Variants in SH3RF2 observed in about 807,000 individuals in gnomAD.
The protein encoded by SH3RF2 is SH3 domain containing ring finger 2, also known as E3 ubiquitin-protein ligase SH3RF2.
A neutral mutation model predicts 59.0 loss-of-function variants in SH3RF2; 43 were observed. The ratio of observed to expected loss-of-function variants is 0.73; its 90% CI spans 0.57 to 0.94. The LOEUF (loss-of-function observed/expected upper bound fraction) is 0.94, where lower values mean the gene tolerates loss of function less well. SH3RF2 is among the 40% of genes least tolerant of loss of function. The pLI, the probability that SH3RF2 is intolerant of heterozygous loss-of-function variation, is 0.00. For synonymous variants in SH3RF2, 391 were observed against 391.5 expected (o/e 1.00, Z 0.01); for missense variants, 930 against 940.1 (o/e 0.99, Z 0.14).
At chr5:146,036,969 A>C (rs146311591) in intron 5 of SH3RF2, among the ~76,000 whole-genome samples, 1 of 152,312 alleles carries the variant, frequency 6.6e-6, no homozygotes, top group East Asian at 1.9e-4. Flanking sequence ...GGTCTTCCTC[A>C]AAGGCAATCT....
chr5:145,980,947 T>C (rs1759484427), intron 2 of SH3RF2, among the ~76,000 whole-genome samples: 1 of 152,186 alleles, frequency 6.6e-6, no homozygotes, highest in African/African-American at 2.4e-5. Context: ...AGTCCACACA[T>C]CATACTCTTT....
Position 146,023,838 on chromosome 5 carries a change from A to G in SH3RF2, c.1059+9777A>G, listed in dbSNP as rs1429734919. ...GATTTGCCTATTCTGGATGTTTTCT[A>G]TAAGTGGAAGCACACAGTATTCGAA... On this transcript the variant is annotated intron_variant, in intron 5 of 9. Coordinates refer to ENST00000359120, the MANE Select transcript of SH3RF2 (RefSeq NM_152550.4). Among the ~76,000 whole-genome samples the G allele has an allele frequency of 5.3e-5, 8 of 152,284 alleles. No homozygotes were observed. The East Asian group carries it at 1.5e-3, about 29-fold the overall frequency.
intron 2 of SH3RF2, among the ~76,000 whole-genome samples, chr5:145,997,007 G>A (rs781729007): frequency 2.0e-5 from 3 of 152,144 alleles, no homozygotes; most frequent in Non-Finnish European, 2.9e-5. Flanking sequence ...TGTAGGTGTC[G>A]TCTGAAAACC....
At chr5:145,947,602 A>G (rs1241279023) in intron 2 of SH3RF2, among the ~76,000 whole-genome samples, 1 of 152,222 alleles carries the variant, frequency 6.6e-6, no homozygotes, top group Non-Finnish European at 1.5e-5. Flanking sequence ...TCCCTGTGCT[A>G]TAGACCTGGG....
intron 9 of SH3RF2, among the ~76,000 whole-genome samples, chr5:146,069,166 AG>A (rs1450194069): frequency 3.9e-5 from 6 of 152,184 alleles, no homozygotes; most frequent in Non-Finnish European, 7.3e-5. Context: ...TGAAGATTTG[AG>A]CTCCCATCTG....
intron 2 of SH3RF2, among the ~76,000 whole-genome samples, chr5:145,999,206 T>G (rs1760292992): frequency 1.3e-5 from 2 of 152,286 alleles, no homozygotes; most frequent in South Asian, 4.2e-4. Flanking sequence ...TTCTGCAGCT[T>G]CCTCATCTCT....
Position 145,937,963 on chromosome 5 carries a change from GC to G in SH3RF2, c.38del (p.Pro13LeufsTer82). 6.2e-7 allele frequency: 1 copy of G among 1,614,160 alleles called. No individual in the cohort carries two copies. The highest frequency in any genetic ancestry group is 8.5e-7 in the Non-Finnish European group (1 of 1,180,028). On this transcript the variant is annotated frameshift_variant, in exon 2 of 10. Transcript: ENST00000359120. LOFTEE classifies it high-confidence loss of function. ...DDLTLLDLLE[C>X]PVCFEKLDVT... ...TTGACGTTACTTGATCTTCTGGAGT[GC>G]CCTGTGTGCTTTGAGAAGCTCGATG...
exon 10 of SH3RF2, chr5:146,078,633 G>C (rs955246993): frequency 1.3e-5 from 2 of 152,234 alleles, no homozygotes; most frequent in Admixed American, 6.5e-5. Flanking sequence ...AGACAGGAGA[G>C]TAATAGGAGG....
intron 5 of SH3RF2, 48 bp from the exon 6 acceptor site, chr5:146,047,724 G>A (rs570044519): frequency 6.3e-7 from 1 of 1,579,890 alleles, no homozygotes; most frequent in East Asian, 2.2e-5. Flanking sequence ...GTGGGCCTGG[G>A]TTGTGGCATT....
intron 9 of SH3RF2, among the ~76,000 whole-genome samples, chr5:146,071,310 G>C (rs1344076010): frequency 6.6e-6 from 1 of 152,202 alleles, no homozygotes; most frequent in Non-Finnish European, 1.5e-5. Flanking sequence ...TCTCTGTCAA[G>C]GAGAGGGTAG....
chr5:145,964,338 G>C (rs1295241022), intron 2 of SH3RF2, among the ~76,000 whole-genome samples: 1 of 112,750 alleles, frequency 8.9e-6, no homozygotes, highest in Non-Finnish European at 1.7e-5. Flanking sequence ...ACAGAGTCTT[G>C]CTCTGTTGCC....
rs774203837 is a variant in SH3RF2 at position 146,056,281 on chromosome 5, A to AGGATG, written c.1555+69_1555+73dup. The AGGATG allele has an allele frequency of 9.4e-6, 15 of 1,603,742 alleles. No individual in the cohort carries two copies. In the African/African-American group the frequency reaches 2.0e-4, roughly 21 times the overall value. ...GGGGGAATCTGACCCAGGGGTACACAGGATGCTTTTTGCAAAAACAGGATC... is the reference window on the plus strand; with the variant it reads ...GGGGGAATCTGACCCAGGGGTACACAGGATGGGATGCTTTTTGCAAAAACAGGATC... On this transcript the variant is annotated intron_variant, in intron 8 of 9. Transcript: ENST00000359120.
chr5:146,023,663 T>TC (rs1761417882), intron 5 of SH3RF2, among the ~76,000 whole-genome samples: 1 of 152,170 alleles, frequency 6.6e-6, no homozygotes, highest in Non-Finnish European at 1.5e-5. Context: ...TTAATATATT[T>TC]ACACAGTTGA....
intron 2 of SH3RF2, among the ~76,000 whole-genome samples, chr5:145,999,082 G>C (rs895413551): frequency 2.6e-4 from 40 of 151,300 alleles, no homozygotes; most frequent in African/African-American, 9.7e-4. Flanking sequence ...CTTCTTGCTG[G>C]TGGTGGGTCT....
At chr5:146,008,645 T>C (rs1760747861) in intron 4 of SH3RF2, among the ~76,000 whole-genome samples, 1 of 152,210 alleles carries the variant, frequency 6.6e-6, no homozygotes, top group Non-Finnish European at 1.5e-5. Context: ...TTTATTTACA[T>C]ACAGTAAAAT....
At chr5:146,065,838 TTGTAGAGATGAAGTCTCACTG>T (rs1763090244), downstream of SH3RF2, among the ~76,000 whole-genome samples, 1 of 152,266 alleles carries the variant, frequency 6.6e-6, no homozygotes, top group African/African-American at 2.4e-5. Context: ...GTTTTATTTT[TTGTAGAGATGAAGTCTCACTG>T]TGTTGCCCAG....
exon 10 of SH3RF2, chr5:146,081,557 A>C (rs1763425689): frequency 6.6e-6 from 1 of 152,084 alleles, no homozygotes; most frequent in Non-Finnish European, 1.5e-5. Flanking sequence ...CTAGAGGTCC[A>C]CTCGCACCTT....
intron 5 of SH3RF2, among the ~76,000 whole-genome samples, chr5:146,032,103 G>A (rs115371941): frequency 0.01 from 1,543 of 152,230 alleles, 12 homozygotes; most frequent in Non-Finnish European, 0.017. Flanking sequence ...TATTTTATTC[G>A]TCTGTTTTCT....
chr5:146,004,937 A>G (rs1200245823), intron 4 of SH3RF2, among the ~76,000 whole-genome samples: 2 of 152,146 alleles, frequency 1.3e-5, no homozygotes, highest in African/African-American at 4.8e-5. Flanking sequence ...GTCTTTTATC[A>G]CAATAAAAAA....
Sources: gnomAD v4.1 joint callset for allele counts (sites outside exome capture counted in the v4.1 genomes callset) on GRCh38, gnomAD v4.1.1 for gene constraint, MANE v1.5 for transcripts, NCBI Gene and HGNC (gene_info 2026-07-23, HGNC 2026-07-21) for gene names.